ZNF385D: variants seen among roughly 807,000 people sequenced by gnomAD.
The protein encoded by ZNF385D is zinc finger protein 385D, also known as zinc finger protein 659.
Under a neutral mutation model 35.8 loss-of-function variants are expected in ZNF385D, and 15 were observed. The observed-to-expected ratio is 0.42, with a 90% CI of 0.28 to 0.64. The LOEUF (loss-of-function observed/expected upper bound fraction) is 0.64. Among genes scored for constraint, ZNF385D ranks in the 30% least tolerant of loss-of-function variants. The pLI, the probability that ZNF385D is intolerant of heterozygous loss-of-function variation, is 0.23. For synonymous variants in ZNF385D, 212 were observed against 186.8 expected (o/e 1.13, Z -1.10); for missense variants, 474 against 494.6 (o/e 0.96, Z 0.39).
intron 3 of ZNF385D, among the ~76,000 whole-genome samples, chr3:21,971,542 G>A: frequency 6.6e-6 from 1 of 151,332 alleles, no homozygotes; most frequent in Non-Finnish European, 1.5e-5. Context: ...TTCACTAAAA[G>A]GAAGACAAGA....
At chr3:21,812,021 A>G (rs2072941899) in intron 3 of ZNF385D, among the ~76,000 whole-genome samples, 1 of 152,242 alleles carries the variant, frequency 6.6e-6, no homozygotes, top group Admixed American at 6.5e-5. Flanking sequence ...TCAAATTTGA[A>G]TATTTTCAAA....
At chr3:21,960,614 T>C (rs1156919703) in intron 3 of ZNF385D, among the ~76,000 whole-genome samples, 6 of 152,118 alleles carry the variant, frequency 3.9e-5, no homozygotes, top group African/African-American at 1.4e-4. Flanking sequence ...GAAATCAGTA[T>C]ATAAAAAGGA....
At chr3:21,881,040 G>A (rs972000897) in intron 3 of ZNF385D, among the ~76,000 whole-genome samples, 1 of 151,966 alleles carries the variant, frequency 6.6e-6, no homozygotes, top group East Asian at 1.9e-4. Flanking sequence ...GGTTAATGAA[G>A]TTTAAGGAAA....
chr3:22,194,817 T>C (rs1386834572), intron 2 of ZNF385D, among the ~76,000 whole-genome samples: 1 of 151,908 alleles, frequency 6.6e-6, no homozygotes, highest in Non-Finnish European at 1.5e-5. Context: ...AAATTATGTG[T>C]ATTAATAGGT....
rs199538946 is a variant in ZNF385D, at chr3:22,133,364, T to C, written c.325+35453A>G. 2.0e-5 allele frequency among the ~76,000 whole-genome samples: 3 copies of C among 151,770 alleles called. No individual in the cohort carries two copies. The East Asian group carries it at 5.8e-4, about 29-fold the overall frequency. ...ACTGAACATAAACTCTCTATATCTC[T>C]ATATGGGGTGTGCCTGTGTGTGAAA... is the stretch of plus-strand genomic sequence containing the variant. On this transcript the variant is annotated intron_variant, in intron 3 of 5. Transcript: ENST00000494108.
At chr3:21,864,743 T>C (rs1697242067) in intron 3 of ZNF385D, among the ~76,000 whole-genome samples, 1 of 152,136 alleles carries the variant, frequency 6.6e-6, no homozygotes, top group East Asian at 1.9e-4. Context: ...ATATTTATTC[T>C]TATCTGTCAC....
chr3:22,032,589 G>A (rs1486642822), intron 3 of ZNF385D, among the ~76,000 whole-genome samples: 2 of 152,146 alleles, frequency 1.3e-5, no homozygotes, highest in African/African-American at 4.8e-5. Flanking sequence ...CCTAAGCAGT[G>A]TATAGAACTA....
At chr3:21,651,435 T>C (rs1187844048) in intron 2 of ZNF385D, among the ~76,000 whole-genome samples, 1 of 152,002 alleles carries the variant, frequency 6.6e-6, no homozygotes, top group African/African-American at 2.4e-5. Context: ...ATCTACCATA[T>C]AGTATGTCTG....
At chr3:22,217,697 G>C (rs915210196) in intron 2 of ZNF385D, among the ~76,000 whole-genome samples, 1 of 152,108 alleles carries the variant, frequency 6.6e-6, no homozygotes, top group African/African-American at 2.4e-5. Flanking sequence ...CAAATATAGA[G>C]AGCATATTTT....
intron 3 of ZNF385D, among the ~76,000 whole-genome samples, chr3:21,522,693 T>TGGAG (rs1412624961): frequency 2.6e-5 from 4 of 152,056 alleles, no homozygotes; most frequent in Admixed American, 1.3e-4. Flanking sequence ...GATTAACTCT[T>TGGAG]GGAGGGAGGG....
At chr3:21,719,542 T>TA (rs890482200) in intron 1 of ZNF385D, among the ~76,000 whole-genome samples, 4 of 152,132 alleles carry the variant, frequency 2.6e-5, no homozygotes, top group African/African-American at 7.2e-5. Flanking sequence ...ATTTTAATAG[T>TA]AAAAAAACAC....
intron 3 of ZNF385D, among the ~76,000 whole-genome samples, chr3:21,822,798 A>T (rs576056418): frequency 2.0e-5 from 3 of 152,234 alleles, no homozygotes; most frequent in Non-Finnish European, 4.4e-5. Flanking sequence ...CTCGAAAACA[A>T]TGTTGAGTGA....
chr3:21,464,962 G>A (rs989347917), intron 4 of ZNF385D, among the ~76,000 whole-genome samples: 3 of 152,038 alleles, frequency 2.0e-5, no homozygotes, highest in African/African-American at 7.2e-5. Flanking sequence ...AAGTTTATGA[G>A]ACCATCATGT....
At chr3:21,664,193 C>G (rs918526644) in intron 2 of ZNF385D, among the ~76,000 whole-genome samples, 1 of 150,986 alleles carries the variant, frequency 6.6e-6, no homozygotes, top group Non-Finnish European at 1.5e-5. Context: ...TCTTACTGAT[C>G]GCAGAAAAAG....
chr3:21,988,064 A>G (rs1276347916), intron 3 of ZNF385D, among the ~76,000 whole-genome samples: 18 of 138,644 alleles, frequency 1.3e-4, no homozygotes, highest in South Asian at 2.7e-4. Context: ...CTAGTTATAC[A>G]TTCTTCTAAA....
chr3:21,581,071 A>T (rs1246100277), intron 2 of ZNF385D, among the ~76,000 whole-genome samples: 1 of 152,122 alleles, frequency 6.6e-6, no homozygotes, highest in African/African-American at 2.4e-5. Flanking sequence ...TGTGGAATTC[A>T]AGCCACAAGG....
chr3:21,608,389 A>G (rs945170121), intron 2 of ZNF385D, among the ~76,000 whole-genome samples: 1 of 152,198 alleles, frequency 6.6e-6, no homozygotes, highest in Non-Finnish European at 1.5e-5. Context: ...AACCATAAGC[A>G]TTAAGGTAGT....
At chr3:22,367,639 C>G (rs935451077) in intron 2 of ZNF385D, among the ~76,000 whole-genome samples, 1 of 150,786 alleles carries the variant, frequency 6.6e-6, no homozygotes, top group African/African-American at 2.4e-5. Context: ...CTGTGTTATT[C>G]TTTTGTTTAA....
intron 2 of ZNF385D, among the ~76,000 whole-genome samples, chr3:22,251,219 C>T (rs997466786): frequency 6.6e-6 from 1 of 152,030 alleles, no homozygotes; most frequent in Non-Finnish European, 1.5e-5. Flanking sequence ...AAGAAGAATC[C>T]GTTTACATGA....
Sources: gnomAD v4.1 joint callset for allele counts (sites outside exome capture counted in the v4.1 genomes callset) on GRCh38, gnomAD v4.1.1 for gene constraint, MANE v1.5 for transcripts, NCBI Gene and HGNC (gene_info 2026-07-23, HGNC 2026-07-21) for gene names.